The following CCNK variants were observed in gnomAD, a reference collection of about 807,000 sequenced individuals.
The protein encoded by CCNK is cyclin K.
A neutral mutation model predicts 65.0 loss-of-function variants in CCNK; 9 were observed. That is an observed-to-expected ratio of 0.14 (90% CI 0.08 to 0.24). The LOEUF (loss-of-function observed/expected upper bound fraction) is 0.24, where lower values mean the gene tolerates loss of function less well. Among genes scored for constraint, CCNK ranks in the 10% least tolerant of loss-of-function variants. The pLI is 1.00. For synonymous variants in CCNK, 279 were observed against 270.8 expected (o/e 1.03, Z -0.30); for missense variants, 474 against 720.0 (o/e 0.66, Z 3.91).
At chr14:99,481,524 T>C (rs1206283502) in intron 1 of CCNK, 45 bp downstream of exon 1, 2 of 398,500 alleles carry the variant, frequency 5.0e-6, no homozygotes, top group Admixed American at 4.4e-5. Flanking sequence ...ACCTCCCGCG[T>C]ATCTGGAGGT....
intron 10 of CCNK, chr14:99,508,996 C>G (rs553803592): frequency 5.0e-4 from 76 of 152,382 alleles, no homozygotes; most frequent in African/African-American, 1.8e-3. Flanking sequence ...ATATGACCTT[C>G]CTACCCGGTA....
chr14:99,507,084 C>G lies in CCNK; in HGVS notation c.1054C>G (p.Pro352Ala). Residue 352 changes from proline (P) to alanine (A), a missense_variant, in exon 10 of 11, where the codon CCA (proline) becomes GCA (alanine). Physicochemically the swap from Pro to Ala is conservative, Grantham distance 27 (BLOSUM62 -1). Transcript: ENST00000389879. ...CTGCTTTTTCTTTGTAGAACCACCA[C>G]CACCTAAAATCCCCAAAATTGAGAC... The part of the protein sequence containing the change: ...KEENKAAEPP[P>A]PKIPKIETTH... 1 of 1,605,676 alleles carries G rather than the reference C, an allele frequency of 6.2e-7. No homozygotes were observed. Among genetic ancestry groups the G allele is most frequent in the Middle Eastern group, 1.7e-4 (1 of 6,046 alleles).
intron 4 of CCNK, among the ~76,000 whole-genome samples, chr14:99,496,928 TGC>T (rs1566749297): frequency 4.2e-5 from 1 of 23,848 alleles, no homozygotes; most frequent in African/African-American, 9.8e-5. Flanking sequence ...AAAAAAAAAA[TGC>T]TTTTTTTTTT....
chr14:99,489,118 A>T (rs886347663), intron 1 of CCNK, among the ~76,000 whole-genome samples: 1 of 152,096 alleles, frequency 6.6e-6, no homozygotes, highest in Non-Finnish European at 1.5e-5. Context: ...AAGGACAGAA[A>T]TGGGATACAT....
At chr14:99,503,836 G>A (rs1018771382) in intron 9 of CCNK, 192 bp downstream of exon 9, 4 of 586,358 alleles carry the variant, frequency 6.8e-6, no homozygotes, top group South Asian at 4.3e-5. Context: ...GTGCTCTTAC[G>A]AAGCTATCAG....
chr14:99,489,803 C>T (rs1896563296), intron 1 of CCNK, among the ~76,000 whole-genome samples: 1 of 151,974 alleles, frequency 6.6e-6, no homozygotes, highest in Admixed American at 6.5e-5. Context: ...ACCTAATGGC[C>T]ACATTGGAAT....
chr14:99,482,460 T>C (rs1896367469), intron 1 of CCNK, among the ~76,000 whole-genome samples: 1 of 152,226 alleles, frequency 6.6e-6, no homozygotes, highest in Non-Finnish European at 1.5e-5. Context: ...ATGGTAGTGG[T>C]AGTAGTATTG....
In CCNK at chr14:99,510,762, C is replaced by T; in HGVS notation, c.1723C>T (p.Arg575Trp). ...PGMPPVGGLG[R>W]AAWMR ...CATGCCTCCAGTTGGGGGGCTGGGG[C>T]GGGCAGCCTGGATGAGATAACGTGA... The change falls in exon 11 of 11, where the codon CGG (arginine) becomes TGG (tryptophan). Residue 575 changes from arginine to tryptophan, a missense_variant. By Grantham distance (101) the Arg-to-Trp change is moderately radical (BLOSUM62 -3). Coordinates refer to ENST00000389879, the MANE Select transcript of CCNK (RefSeq NM_001099402.2). 2.1e-6 allele frequency: 3 copies of T among 1,463,046 alleles called. No homozygotes were observed. Among genetic ancestry groups the T allele is most frequent in the Non-Finnish European group, 9.0e-7 (1 of 1,108,874 alleles). The allele number at this position is 1,463,046 out of a possible 1,614,324, so 90.6% of individuals were successfully genotyped here. A position where few individuals can be genotyped will look rare whatever the true frequency, so the allele number is the denominator to read the frequency against.
chr14:99,487,210 C>T (rs1226682764), intron 1 of CCNK, among the ~76,000 whole-genome samples: 1 of 152,188 alleles, frequency 6.6e-6, no homozygotes, highest in Admixed American at 6.5e-5. Context: ...AATAATCAAA[C>T]ACCAGAAACA....
intron 1 of CCNK, among the ~76,000 whole-genome samples, chr14:99,484,062 C>T (rs1201526399): frequency 6.6e-6 from 1 of 152,212 alleles, no homozygotes; most frequent in Non-Finnish European, 1.5e-5. Flanking sequence ...AATAAATTTA[C>T]TTGGTGTGAT....
In CCNK at chr14:99,510,558, C is replaced by G; in HGVS notation, c.1519C>G (p.Pro507Ala). Residue 507 changes from proline (P) to alanine (A), a missense_variant, in exon 11 of 11, where the codon CCC (proline) becomes GCC (alanine). By Grantham distance (27) the Pro-to-Ala change is conservative. Around this residue, in one of 6 missense-constraint regions of CCNK, gnomAD observed 38 missense variants for 19.2 expected, o/e 1.98. Transcript: ENST00000389879. ...PAIPPPTPGYPPPPPTYNPNF... is the reference protein window; with the variant it reads ...PAIPPPTPGYAPPPPTYNPNF... ...CATCCCACCCCCTACTCCTGGCTAC[C>G]CCCCACCCCCACCCACCTACAACCC... 3 of 373,756 alleles carry G rather than the reference C, an allele frequency of 8.0e-6. No individual in the cohort carries two copies. Among genetic ancestry groups the G allele is most frequent in the Non-Finnish European group, 1.4e-5 (3 of 208,608 alleles). 23.2% of individuals were successfully genotyped at this position (373,756 alleles called of 1,614,324 possible).
intron 9 of CCNK, chr14:99,504,145 T>C: frequency 3.4e-6 from 1 of 292,514 alleles, no homozygotes; most frequent in Non-Finnish European, 7.0e-6. Context: ...TTAGTTCATG[T>C]CAATATTGGA....
chr14:99,510,801 CT>C lies in CCNK; in HGVS notation c.*22del. ...GAGATAACGTGAGCCTTTTTTCCCT[CT>C]TTGTTTTTTTAACAAGATTTTCTAA... On this transcript the variant is annotated 3_prime_UTR_variant, in exon 11 of 11. Coordinates refer to ENST00000389879, the MANE Select transcript of CCNK (RefSeq NM_001099402.2). 7.1e-7 allele frequency: 1 copy of C among 1,412,448 alleles called. No individual in the cohort carries two copies. Among genetic ancestry groups the C allele is most frequent in the Non-Finnish European group, 9.2e-7 (1 of 1,082,794 alleles). The allele number at this position is 1,412,448 out of a possible 1,614,324, so 87.5% of individuals were successfully genotyped here.
intron 3 of CCNK, chr14:99,494,694 G>A (rs1219125513): frequency 6.6e-6 from 1 of 152,254 alleles, no homozygotes; most frequent in Non-Finnish European, 1.5e-5. Context: ...TGAGGCAACT[G>A]GAGGGACAGT....
chr14:99,510,911 G>A lies in CCNK; in HGVS notation c.*129G>A, dbSNP rs1180252884. On this transcript the variant is annotated 3_prime_UTR_variant, in exon 11 of 11. Transcript: ENST00000389879. ...AGTTGCAGTATGGGAAGAATGGACC[G>A]GGCCCCTGGGATAAAATCAGAGTGG... is the stretch of plus-strand genomic sequence containing the variant. The A allele has an allele frequency of 1.2e-5, 10 of 810,528 alleles. No individual in the cohort carries two copies. Among genetic ancestry groups the A allele is most frequent in the South Asian group, 4.7e-5 (1 of 21,072 alleles). The allele number at this position is 810,528 out of a possible 1,614,324, so 50.2% of individuals were successfully genotyped here. A position where few individuals can be genotyped will look rare whatever the true frequency, so the allele number is the denominator to read the frequency against.
At chr14:99,502,123 G>C in intron 6 of CCNK, 84 bp from the exon 7 acceptor site, 1 of 1,369,858 alleles carries the variant, frequency 7.3e-7, no homozygotes. Context: ...GCAAATTAAT[G>C]GTTAGTTATG....
intron 1 of CCNK, among the ~76,000 whole-genome samples, chr14:99,491,082 A>G (rs1392803604): frequency 6.6e-6 from 1 of 152,086 alleles, no homozygotes; most frequent in Non-Finnish European, 1.5e-5. Flanking sequence ...GCTGTGGGGT[A>G]TGCTATTGTG....
At chr14:99,488,839 C>G (rs1823127174) in intron 1 of CCNK, among the ~76,000 whole-genome samples, 1 of 151,614 alleles carries the variant, frequency 6.6e-6, no homozygotes, top group African/African-American at 2.4e-5. Flanking sequence ...TGATCAACCA[C>G]AGTTATTTTT....
chr14:99,509,788 C>T, intron 10 of CCNK: 1 of 305,898 alleles, frequency 3.3e-6, no homozygotes. Flanking sequence ...TGGCCCTGAC[C>T]CCTGGGGTCA....
Sources: allele counts gnomAD v4.1 joint callset (sites outside exome capture counted in the v4.1 genomes callset), GRCh38; gene constraint gnomAD v4.1.1; regional missense constraint gnomAD v4.1.1; transcripts MANE v1.5; gene names NCBI Gene and HGNC (gene_info 2026-07-23, HGNC 2026-07-21).